Variants in RPS6KA2 observed in about 807,000 individuals in gnomAD.
The protein encoded by RPS6KA2 is ribosomal protein S6 kinase alpha-2.
A neutral mutation model predicts 91.8 loss-of-function variants in RPS6KA2; 42 were observed. The observed-to-expected ratio is 0.46, with a 90% CI of 0.36 to 0.59. The LOEUF (loss-of-function observed/expected upper bound fraction) is 0.59. RPS6KA2 is among the 20% of genes least tolerant of loss of function. The probability of loss-of-function intolerance (pLI) is 0.00; values close to 1 mark genes in which losing one functional copy is unlikely to be tolerated. For missense variants in RPS6KA2, 798 were observed against 978.5 expected (o/e 0.82, Z 2.46); for synonymous variants, 414 against 393.6 (o/e 1.05, Z -0.61).
At chr6:166,416,006 CACCCCCACCATT>C (rs1220206941) in intron 19 of RPS6KA2, among the ~76,000 whole-genome samples, 1 of 149,818 alleles carries the variant, frequency 6.7e-6, no homozygotes, top group African/African-American at 2.5e-5. Context: ...CCTCCTCCAT[CACCCCCACCATT>C]ACGCTCACCA....
intron 2 of RPS6KA2, among the ~76,000 whole-genome samples, chr6:166,728,826 G>T (rs1354150476): frequency 6.6e-6 from 1 of 152,208 alleles, no homozygotes; most frequent in Non-Finnish European, 1.5e-5. Flanking sequence ...CGCCAGGCAG[G>T]TCTCATGTGG....
chr6:166,578,740 G>A (rs918283676), intron 1 of RPS6KA2, among the ~76,000 whole-genome samples: 2 of 152,194 alleles, frequency 1.3e-5, no homozygotes, highest in African/African-American at 4.8e-5. Flanking sequence ...CAGGATCACT[G>A]TGCTGGAGCA....
At chr6:166,501,147 C>T (rs1436822927) in intron 6 of RPS6KA2, among the ~76,000 whole-genome samples, 5 of 152,168 alleles carry the variant, frequency 3.3e-5, no homozygotes, top group African/African-American at 1.2e-4. Context: ...TGCCACACCT[C>T]CTGGATAAAG....
At chr6:166,442,569 G>A (rs902206847) in intron 14 of RPS6KA2, among the ~76,000 whole-genome samples, 14 of 151,568 alleles carry the variant, frequency 9.2e-5, no homozygotes, top group African/African-American at 3.4e-4. Context: ...ATTTACTCTC[G>A]TCATCCTCGT....
chr6:166,805,415 C>A (rs1055756529), intron 2 of RPS6KA2, among the ~76,000 whole-genome samples: 1 of 152,140 alleles, frequency 6.6e-6, no homozygotes, highest in African/African-American at 2.4e-5. Flanking sequence ...TTTAAAGAAT[C>A]GGCACATTTT....
At chr6:166,712,117 C>G (rs576246925) in intron 2 of RPS6KA2, among the ~76,000 whole-genome samples, 4 of 152,324 alleles carry the variant, frequency 2.6e-5, no homozygotes, top group African/African-American at 9.6e-5. Flanking sequence ...TCAGGAGTGG[C>G]TGGACCTAGG....
chr6:166,438,040 C>T (rs1440961337), intron 14 of RPS6KA2, among the ~76,000 whole-genome samples: 1 of 152,198 alleles, frequency 6.6e-6, no homozygotes, highest in South Asian at 2.1e-4. Context: ...CTAGGCAGGC[C>T]ATTTCCCTTG....
intron 1 of RPS6KA2, among the ~76,000 whole-genome samples, chr6:166,581,644 A>G (rs1455750828): frequency 1.3e-5 from 2 of 152,224 alleles, no homozygotes; most frequent in African/African-American, 4.8e-5. Context: ...TGAATGACAG[A>G]GAATTATACC....
rs1780032493 is a variant in RPS6KA2 at position 166,825,635 on chromosome 6, T to A, written c.123+32565A>T. ...GTCCAAGGTCAAGGCACCAGCAGAT[T>A]CAGTGTTGGATGAGAACCCACTTCC... On this transcript the variant is annotated intron_variant, in intron 2 of 21. Transcript: ENST00000503859. This position sits in a 1 kb window ranked among gnomAD's most constrained non-coding sequence, Gnocchi z 4.1. Among the ~76,000 whole-genome samples, 6 of 152,120 alleles carry A rather than the reference T, an allele frequency of 3.9e-5. No individual in the cohort carries two copies. The highest frequency in any genetic ancestry group is 3.9e-4 in the Admixed American group (6 of 15,266).
chr6:166,444,713 T>C (rs773382746), intron 14 of RPS6KA2, among the ~76,000 whole-genome samples: 2 of 152,226 alleles, frequency 1.3e-5, no homozygotes, highest in Admixed American at 1.3e-4. Flanking sequence ...TAGTGTTGTT[T>C]GCCGAAGTCG....
chr6:166,810,147 C>T (rs1188453316), intron 2 of RPS6KA2, among the ~76,000 whole-genome samples: 2 of 152,242 alleles, frequency 1.3e-5, no homozygotes, highest in East Asian at 1.9e-4. Context: ...CATCGGATCT[C>T]GTGATAACTC....
chr6:166,816,554 CAAA>C (rs762549959), intron 2 of RPS6KA2, among the ~76,000 whole-genome samples: 2 of 137,890 alleles, frequency 1.5e-5, no homozygotes. Flanking sequence ...GACTCCATCT[CAAA>C]AAAAAAAAAA....
intron 3 of RPS6KA2, among the ~76,000 whole-genome samples, chr6:166,513,733 G>C (rs941597712): frequency 3.9e-5 from 6 of 152,148 alleles, no homozygotes; most frequent in African/African-American, 1.4e-4. Context: ...TTAATGAGAG[G>C]GGCCATGAAT....
chr6:166,536,996 A>G (rs1420357429), intron 2 of RPS6KA2, among the ~76,000 whole-genome samples: 1 of 152,260 alleles, frequency 6.6e-6, no homozygotes, highest in Non-Finnish European at 1.5e-5. Flanking sequence ...TGAAATCTGA[A>G]CGAGGGAGCT....
intron 2 of RPS6KA2, among the ~76,000 whole-genome samples, chr6:166,716,323 T>C (rs896689681): frequency 1.3e-5 from 2 of 151,830 alleles, no homozygotes; most frequent in African/African-American, 4.8e-5. Flanking sequence ...GAAAAACAAA[T>C]AGGACGATGA....
chr6:166,862,411 C>G, exon 1 of RPS6KA2: 2 of 1,356,506 alleles, frequency 1.5e-6, no homozygotes, highest in Non-Finnish European at 9.5e-7. Flanking sequence ...GCGCCGTCCC[C>G]TCCCTGCCAA....
intron 12 of RPS6KA2, 46 bp from the exon 13 acceptor site, chr6:166,451,279 AC>A (rs1562502686): frequency 6.2e-7 from 1 of 1,607,718 alleles, no homozygotes; most frequent in Non-Finnish European, 8.5e-7. Context: ...AAGCTGGGTG[AC>A]CCTGGGGTGA....
In RPS6KA2 at chr6:166,423,507, G is replaced by T. The variant is rs1778804169; in HGVS notation, c.1582-90C>A. On this transcript the variant is annotated intron_variant, in intron 16 of 20. Transcript: ENST00000265678. This position sits in a 1 kb window ranked among gnomAD's most constrained non-coding sequence, Gnocchi z 4.8. ...TGCATTTGGAGGGGAGGGTGCATTT[G>T]GGAACTGTCTTCCTAGCAGGTCCTG... is the stretch of plus-strand genomic sequence containing the variant. 1 of 1,306,634 alleles carries T rather than the reference G, an allele frequency of 7.7e-7. No homozygotes were observed. The allele number at this position is 1,306,634 out of a possible 1,614,324, so 80.9% of individuals were successfully genotyped here. A position where few individuals can be genotyped will look rare whatever the true frequency, so the allele number is the denominator to read the frequency against.
At chr6:166,572,584 C>T (rs988820051) in intron 1 of RPS6KA2, among the ~76,000 whole-genome samples, 1 of 152,262 alleles carries the variant, frequency 6.6e-6, no homozygotes, top group South Asian at 2.1e-4. Flanking sequence ...GCTTTCCCTG[C>T]CTGTTGCCCT....
Sources: allele counts gnomAD v4.1 joint callset (sites outside exome capture counted in the v4.1 genomes callset), GRCh38; gene constraint gnomAD v4.1.1; non-coding constraint Gnocchi (gnomAD v3.1); transcripts MANE v1.5; gene names NCBI Gene and HGNC (gene_info 2026-07-23, HGNC 2026-07-21).